The following MAP1LC3A variants were observed in gnomAD, a reference collection of about 807,000 sequenced individuals.
MAP1LC3A encodes the protein microtubule-associated protein 1 light chain 3 alpha.
Under a neutral mutation model 15.2 loss-of-function variants are expected in MAP1LC3A, and 10 were observed. The observed-to-expected ratio is 0.66, with a 90% CI of 0.41 to 1.12. The LOEUF (loss-of-function observed/expected upper bound fraction) is 1.12, where lower values mean the gene tolerates loss of function less well. MAP1LC3A is among the 50% of genes most tolerant of loss of function. The pLI is 0.00. For missense variants in MAP1LC3A, 138 were observed against 167.3 expected (o/e 0.82, Z 0.97); for synonymous variants, 63 against 64.3 (o/e 0.98, Z 0.10).
Position 34,559,902 on chromosome 20 carries a change from A to C in MAP1LC3A, c.*4A>C, listed in dbSNP as rs1022320392. 5.7e-5 allele frequency: 91 copies of C among 1,609,370 alleles called. No individual in the cohort carries two copies. The highest frequency in any genetic ancestry group is 7.5e-5 in the Non-Finnish European group (88 of 1,178,116). On this transcript the variant is annotated 3_prime_UTR_variant, in exon 4 of 4. Transcript: ENST00000360668. ...CCAGGAAACCTTCGGCTTCTGAGCC[A>C]GCAGTAGGGGGGCTCGGCCTGGGAG... is the stretch of plus-strand genomic sequence containing the variant.
intron 2 of MAP1LC3A, among the ~76,000 whole-genome samples, chr20:34,553,235 G>C (rs978726323): frequency 2.6e-5 from 4 of 152,094 alleles, no homozygotes; most frequent in Non-Finnish European, 4.4e-5. Context: ...CCTGAAAAGG[G>C]GAGACAAAAG....
In MAP1LC3A at chr20:34,559,908, AG is replaced by A. The variant is rs759485136; in HGVS notation, c.*16del. 1.9e-6 allele frequency: 3 copies of A among 1,606,712 alleles called. No homozygotes were observed. The highest frequency in any genetic ancestry group is 2.7e-5 in the African/African-American group (2 of 74,666). ...AACCTTCGGCTTCTGAGCCAGCAGT[AG>A]GGGGGCTCGGCCTGGGAGTCGGGCG... On this transcript the variant is annotated 3_prime_UTR_variant, in exon 4 of 4. Coordinates refer to ENST00000360668, the MANE Select transcript of MAP1LC3A (RefSeq NM_032514.4).
In MAP1LC3A at chr20:34,549,939, C is replaced by T. The variant is rs374788143; in HGVS notation, c.-39C>T. The T allele has an allele frequency of 7.1e-5, 113 of 1,600,476 alleles. No individual in the cohort carries two copies. The African/African-American group carries it at 1.4e-3, about 20-fold the overall frequency. ...GCTTCCGAGTTGCTGACTGACCCTC[C>T]ACCTCAGAGGTAGTTCTGACACTGT... On this transcript the variant is annotated 5_prime_UTR_variant, in exon 2 of 5. Transcript: ENST00000374837.
At chr20:34,554,762 T>C (rs910525903), upstream of MAP1LC3A, among the ~76,000 whole-genome samples, 10 of 151,654 alleles carry the variant, frequency 6.6e-5, no homozygotes, top group Admixed American at 5.9e-4. Context: ...TCCACCTCCC[T>C]GGTTCAAGCA....
At chr20:34,552,806 G>A (rs934056477) in intron 2 of MAP1LC3A, among the ~76,000 whole-genome samples, 11 of 152,260 alleles carry the variant, frequency 7.2e-5, no homozygotes, top group South Asian at 2.1e-4. Context: ...GGAGAATCTT[G>A]AAGGTGGAAC....
Position 34,559,557 on chromosome 20 carries a change from T to C in MAP1LC3A, c.203+104T>C, listed in dbSNP as rs187979174. 287 of 1,265,536 alleles carry C rather than the reference T, an allele frequency of 2.3e-4. 1 individual carries two copies. In the African/African-American group the frequency reaches 3.6e-3, roughly 16 times the overall value. The allele number at this position is 1,265,536 out of a possible 1,614,324, so 78.4% of individuals were successfully genotyped here. On this transcript the variant is annotated intron_variant, in intron 3 of 3. Coordinates refer to ENST00000360668, the MANE Select transcript of MAP1LC3A (RefSeq NM_032514.4). The stretch of plus-strand genomic sequence containing the variant: ...GGTCAGGGGTGATGGGACCGGGCGG[T>C]GGGCCCCTGTTCTGGGGTGGCTGGA...
upstream of MAP1LC3A, among the ~76,000 whole-genome samples, chr20:34,555,902 G>A (rs535539340): frequency 1.3e-5 from 2 of 151,488 alleles, no homozygotes; most frequent in African/African-American, 4.8e-5. Flanking sequence ...GAGTGCAGTG[G>A]CGCGATCTCC....
upstream of MAP1LC3A, among the ~76,000 whole-genome samples, chr20:34,555,144 C>CTT (rs201229933): frequency 4.5e-4 from 64 of 141,546 alleles, 2 homozygotes; most frequent in Admixed American, 3.0e-3. Context: ...AGCGAATTTT[C>CTT]TTATTTTTTT....
intron 1 of MAP1LC3A, among the ~76,000 whole-genome samples, chr20:34,548,032 C>T (rs1981804896): frequency 6.6e-6 from 1 of 152,038 alleles, no homozygotes; most frequent in Admixed American, 6.6e-5. Flanking sequence ...GGAGCAGTGA[C>T]GGTGGAGACA....
upstream of MAP1LC3A, chr20:34,558,600 G>C: frequency 8.3e-7 from 1 of 1,204,452 alleles, no homozygotes; most frequent in Non-Finnish European, 1.0e-6. The surrounding 1 kb of genome is among the most constrained non-coding windows in gnomAD (Gnocchi z 4.3). Context: ...GTCCCGGTCC[G>C]CGGACCCAGG....
upstream of MAP1LC3A, chr20:34,558,539 C>G: frequency 2.7e-6 from 3 of 1,125,614 alleles, no homozygotes; most frequent in Non-Finnish European, 3.3e-6. This position sits in a 1 kb window ranked among gnomAD's most constrained non-coding sequence, Gnocchi z 4.3. Context: ...AGCTCCCGCG[C>G]TGCCCATGAC....
chr20:34,559,605 TC>T, intron 3 of MAP1LC3A, 130 bp from the exon 4 acceptor site: 1 of 1,250,876 alleles, frequency 8.0e-7, no homozygotes, highest in Non-Finnish European at 1.1e-6. Context: ...GGGGCTGCAG[TC>T]GGTGTTGGGT....
In MAP1LC3A at chr20:34,558,896, C is replaced by T; in HGVS notation, c.28C>T (p.Arg10Trp). The change falls in exon 1 of 4, where the codon CGG becomes TGG. Residue 10 changes from arginine (R) to tryptophan (W), a missense_variant. Physicochemically the swap from Arg to Trp is moderately radical, Grantham distance 101 (BLOSUM62 -3). Transcript: ENST00000360668. The surrounding 1 kb of genome is among the most constrained non-coding windows in gnomAD (Gnocchi z 4.3). Reference sequence around the variant, plus strand: ...GCCCTCAGACCGGCCTTTCAAGCAGCGGCGGAGCTTCGGTGAGGCCCGGCA... The same window carrying T: ...GCCCTCAGACCGGCCTTTCAAGCAGTGGCGGAGCTTCGGTGAGGCCCGGCA... MPSDRPFKQ[R>W]RSFADRCKEV... 2 of 1,420,072 alleles carry T rather than the reference C, an allele frequency of 1.4e-6. No homozygotes were observed. The highest frequency in any genetic ancestry group is 1.8e-6 in the Non-Finnish European group (2 of 1,091,914). The allele number at this position is 1,420,072 out of a possible 1,614,324, so 88.0% of individuals were successfully genotyped here.
At chr20:34,548,624 T>TA (rs1981828729) in intron 1 of MAP1LC3A, among the ~76,000 whole-genome samples, 1 of 151,648 alleles carries the variant, frequency 6.6e-6, no homozygotes, top group African/African-American at 2.4e-5. Context: ...GGGAGCAAGG[T>TA]GGGGCAGTGT....
Position 34,558,753 on chromosome 20 carries a change from TC to T in MAP1LC3A, c.-115del. 7.6e-7 allele frequency: 1 copy of T among 1,321,824 alleles called. No homozygotes were observed. The highest frequency in any genetic ancestry group is 3.1e-5 in the East Asian group (1 of 31,776). The allele number at this position is 1,321,824 out of a possible 1,614,324, so 81.9% of individuals were successfully genotyped here. On this transcript the variant is annotated 5_prime_UTR_variant, in exon 1 of 4. Coordinates refer to ENST00000360668, the MANE Select transcript of MAP1LC3A (RefSeq NM_032514.4). This position sits in a 1 kb window ranked among gnomAD's most constrained non-coding sequence, Gnocchi z 4.3. The stretch of plus-strand genomic sequence containing the variant: ...CCTCCCGCAGCCGCAGCCGCCGTGC[TC>T]AGCGCGAGCCCCGGAGCCCTTGAGC...
At chr20:34,553,567 T>C (rs113366137) in intron 2 of MAP1LC3A, among the ~76,000 whole-genome samples, 136 of 152,352 alleles carry the variant, frequency 8.9e-4, no homozygotes, top group African/African-American at 2.9e-3. Flanking sequence ...TGGTCACATT[T>C]AATCTTCTGT....
At chr20:34,557,208 C>T (rs529544691), upstream of MAP1LC3A, among the ~76,000 whole-genome samples, 9 of 152,250 alleles carry the variant, frequency 5.9e-5, no homozygotes, top group African/African-American at 2.2e-4. Context: ...TGAATGTAAA[C>T]CACATTTTCT....
intron 2 of MAP1LC3A, chr20:34,550,141 C>A: frequency 5.0e-6 from 5 of 992,038 alleles, no homozygotes; most frequent in Admixed American, 2.1e-5. Flanking sequence ...GTGTGCCAGG[C>A]CGGCCAAGGC....
chr20:34,550,460 G>A (rs1268782112), intron 2 of MAP1LC3A, among the ~76,000 whole-genome samples: 1 of 152,224 alleles, frequency 6.6e-6, no homozygotes, highest in Non-Finnish European at 1.5e-5. Context: ...CACCCACCAT[G>A]TGCCACACTC....
Sources: gnomAD v4.1 joint callset for allele counts (sites outside exome capture counted in the v4.1 genomes callset) on GRCh38, gnomAD v4.1.1 for gene constraint, Gnocchi (gnomAD v3.1) non-coding constraint, MANE v1.5 for transcripts, NCBI Gene and HGNC (gene_info 2026-07-23, HGNC 2026-07-21) for gene names.